Variants in KIRREL3 observed in about 807,000 individuals in gnomAD.
KIRREL3 encodes kirre like nephrin family adhesion molecule 3, also known as kin of IRRE-like protein 3.
In KIRREL3, 36 loss-of-function variants were observed where a neutral mutation model predicts 89.7. That is an observed-to-expected ratio of 0.40 (90% CI 0.31 to 0.53). The LOEUF is 0.53. KIRREL3 is among the 20% of genes least tolerant of loss of function. The pLI, the probability that KIRREL3 is intolerant of heterozygous loss-of-function variation, is 0.49. For synonymous variants in KIRREL3, 445 were observed against 441.4 expected (o/e 1.01, Z -0.10); for missense variants, 864 against 1,056.6 (o/e 0.82, Z 2.53).
chr11:126,939,492 C>T (rs556124195), intron 1 of KIRREL3, among the ~76,000 whole-genome samples: 1 of 152,274 alleles, frequency 6.6e-6, no homozygotes, highest in Non-Finnish European at 1.5e-5. Context: ...TGAGAGGCTA[C>T]CTTATTTTCA....
rs1228398431 is a variant in KIRREL3 at position 126,748,793 on chromosome 11, T to C, written c.56-185881A>G. Among the ~76,000 whole-genome samples, 5 of 152,220 alleles carry C rather than the reference T, an allele frequency of 3.3e-5. No homozygotes were observed. Among genetic ancestry groups the C allele is most frequent in the African/African-American group, 1.2e-4 (5 of 41,462 alleles). The stretch of plus-strand genomic sequence containing the variant: ...ACCGAAACTGTGCATGGGATCCTTT[T>C]GTAATCTGTAGGCTTCAGTCTATCC... On this transcript the variant is annotated intron_variant, in intron 1 of 16. Transcript: ENST00000525144. This position sits in a 1 kb window ranked among gnomAD's most constrained non-coding sequence, Gnocchi z 4.6.
intron 1 of KIRREL3, among the ~76,000 whole-genome samples, chr11:126,927,581 G>T (rs185037538): frequency 6.6e-6 from 1 of 152,240 alleles, no homozygotes; most frequent in African/African-American, 2.4e-5. Flanking sequence ...CAGAAAATGC[G>T]GACATTATGG....
At position 126,739,117 on chromosome 11, in the gene KIRREL3, T is replaced by G. The variant is rs1160833721; in HGVS notation, c.56-176205A>C. On this transcript the variant is annotated intron_variant, in intron 1 of 16. Transcript: ENST00000525144. This position sits in a 1 kb window ranked among gnomAD's most constrained non-coding sequence, Gnocchi z 5.5. The stretch of plus-strand genomic sequence containing the variant: ...TGCTCAAGGCCACACAGCTAGAAAT[T>G]AGCAGGATGGAAACTCCAATCCAGA... 6.6e-6 allele frequency among the ~76,000 whole-genome samples: 1 copy of G among 152,208 alleles called. No individual in the cohort carries two copies. Among genetic ancestry groups the G allele is most frequent in the Admixed American group, 6.5e-5 (1 of 15,276 alleles).
intron 1 of KIRREL3, among the ~76,000 whole-genome samples, chr11:126,600,348 C>T (rs935840872): frequency 1.3e-5 from 2 of 152,150 alleles, no homozygotes; most frequent in African/African-American, 2.4e-5. Flanking sequence ...AGCAGAGGGC[C>T]CATCTAAGCT....
rs1484307096 is a variant in KIRREL3 at position 126,773,253 on chromosome 11, A to G, written c.56-210341T>C. 6.6e-6 allele frequency among the ~76,000 whole-genome samples: 1 copy of G among 152,082 alleles called. No individual in the cohort carries two copies. Among genetic ancestry groups the G allele is most frequent in the African/African-American group, 2.4e-5 (1 of 41,406 alleles). On this transcript the variant is annotated intron_variant, in intron 1 of 16. Coordinates refer to ENST00000525144, the MANE Select transcript of KIRREL3 (RefSeq NM_032531.4). This position sits in a 1 kb window ranked among gnomAD's most constrained non-coding sequence, Gnocchi z 4.2. ...GAAGGTGTTTCAGGATGAGGTTAAC[A>G]CTCTTGAATCAGGGGACTGAGTGAA...
At chr11:126,758,478 T>C (rs934630689) in intron 1 of KIRREL3, among the ~76,000 whole-genome samples, 11 of 152,186 alleles carry the variant, frequency 7.2e-5, no homozygotes, top group Admixed American at 6.5e-4. Context: ...CAGCCCAGGG[T>C]ATGGCTTGTA....
rs1950172705 is a variant in KIRREL3 at position 126,776,507 on chromosome 11, A to C, written c.56-213595T>G. Among the ~76,000 whole-genome samples, 1 of 152,118 alleles carries C rather than the reference A, an allele frequency of 6.6e-6. No individual in the cohort carries two copies. The highest frequency in any genetic ancestry group is 2.4e-5 in the African/African-American group (1 of 41,458). On this transcript the variant is annotated intron_variant, in intron 1 of 16. Coordinates refer to ENST00000525144, the MANE Select transcript of KIRREL3 (RefSeq NM_032531.4). The surrounding 1 kb of genome is among the most constrained non-coding windows in gnomAD (Gnocchi z 4.7). ...TATGGTGCTGCAGGACACTGGCTGCAGACAGGTCTCTACTAGGTGTCAGAG... is the reference window on the plus strand; with the variant it reads ...TATGGTGCTGCAGGACACTGGCTGCCGACAGGTCTCTACTAGGTGTCAGAG...
In KIRREL3 at chr11:126,530,971, C is replaced by T. The variant is rs1265008785; in HGVS notation, c.134-4284G>A. The stretch of plus-strand genomic sequence containing the variant: ...TCAGCCTCTTGAGTAGCTGGGATTA[C>T]AGGCACTCACCACCATGTCTGGTAA... On this transcript the variant is annotated intron_variant, in intron 2 of 16. Transcript: ENST00000525144. The surrounding 1 kb of genome is among the most constrained non-coding windows in gnomAD (Gnocchi z 5.8). 6.6e-6 allele frequency among the ~76,000 whole-genome samples: 1 copy of T among 152,086 alleles called. No homozygotes were observed. Among genetic ancestry groups the T allele is most frequent in the Non-Finnish European group, 1.5e-5 (1 of 68,026 alleles).
intron 1 of KIRREL3, among the ~76,000 whole-genome samples, chr11:126,589,892 T>C (rs60745358): frequency 0.27 from 40,416 of 151,930 alleles, 5,574 homozygotes; most frequent in South Asian, 0.41. Flanking sequence ...CCCCAGCTGC[T>C]GGCTGAGGCT....
rs374073362 is a variant in KIRREL3, at chr11:126,530,967, A to G, written c.134-4280T>C. On this transcript the variant is annotated intron_variant, in intron 2 of 16. Transcript: ENST00000525144. This position sits in a 1 kb window ranked among gnomAD's most constrained non-coding sequence, Gnocchi z 5.8. ...TGCCTCAGCCTCTTGAGTAGCTGGG[A>G]TTACAGGCACTCACCACCATGTCTG... Among the ~76,000 whole-genome samples, 116 of 152,000 alleles carry G rather than the reference A, an allele frequency of 7.6e-4. 1 individual carries two copies. Among genetic ancestry groups the G allele is most frequent in the East Asian group, 7.2e-3 (37 of 5,152 alleles).
chr11:126,589,438 A>G (rs1565575286), intron 1 of KIRREL3, among the ~76,000 whole-genome samples: 1 of 152,224 alleles, frequency 6.6e-6, no homozygotes, highest in Non-Finnish European at 1.5e-5. Context: ...CCCGCCCACC[A>G]GCAGGCAGGG....
At chr11:126,707,141 T>C (rs111668868) in intron 1 of KIRREL3, among the ~76,000 whole-genome samples, 1 of 151,956 alleles carries the variant, frequency 6.6e-6, no homozygotes, top group Non-Finnish European at 1.5e-5. Flanking sequence ...TTTGTTGAGA[T>C]GGGGACCTTG....
At position 126,495,004 on chromosome 11, in the gene KIRREL3, A is replaced by G. The variant is rs539368275; in HGVS notation, c.434-21538T>C. On this transcript the variant is annotated intron_variant, in intron 4 of 16. Transcript: ENST00000525144. The surrounding 1 kb of genome is among the most constrained non-coding windows in gnomAD (Gnocchi z 6.5). ...CTGTAGGCTCTAAGTTGGTGTCTGG[A>G]GAGGAGTGAGAGGTTCAACCAGGGT... Among the ~76,000 whole-genome samples the G allele has an allele frequency of 2.0e-5, 3 of 152,260 alleles. No individual in the cohort carries two copies. The highest frequency in any genetic ancestry group is 4.1e-4 in the South Asian group (2 of 4,822).
At chr11:126,945,249 C>T (rs571881963) in intron 1 of KIRREL3, among the ~76,000 whole-genome samples, 7 of 152,310 alleles carry the variant, frequency 4.6e-5, no homozygotes, top group African/African-American at 9.6e-5. Context: ...AAAACCATTG[C>T]GATCCTTCTC....
At chr11:126,774,555 G>A (rs929389931) in intron 1 of KIRREL3, among the ~76,000 whole-genome samples, 2 of 152,214 alleles carry the variant, frequency 1.3e-5, no homozygotes, top group African/African-American at 4.8e-5. Flanking sequence ...GGAGCAGCTT[G>A]AGCGTGCAGT....
In KIRREL3 at chr11:126,908,814, G is replaced by A. The variant is rs1429369228; in HGVS notation, c.55+91641C>T. Among the ~76,000 whole-genome samples the A allele has an allele frequency of 6.6e-6, 1 of 152,154 alleles. No homozygotes were observed. Among genetic ancestry groups the A allele is most frequent in the South Asian group, 2.1e-4 (1 of 4,802 alleles). On this transcript the variant is annotated intron_variant, in intron 1 of 16. Transcript: ENST00000525144. The surrounding 1 kb of genome is among the most constrained non-coding windows in gnomAD (Gnocchi z 4.2). Reference sequence around the variant, plus strand: ...AGGCAAATATATGCAGTCATCCCTCGTTATTCAAGGAGGATTGGTTCCTGG... The same window carrying A: ...AGGCAAATATATGCAGTCATCCCTCATTATTCAAGGAGGATTGGTTCCTGG...
intron 1 of KIRREL3, among the ~76,000 whole-genome samples, chr11:126,727,546 C>A (rs958524174): frequency 1.3e-5 from 2 of 152,166 alleles, no homozygotes; most frequent in South Asian, 4.1e-4. Context: ...GCAGCTGTAC[C>A]CTGCACCCTG....
intron 1 of KIRREL3, among the ~76,000 whole-genome samples, chr11:126,660,431 C>T (rs1475406208): frequency 2.0e-5 from 3 of 152,154 alleles, no homozygotes; most frequent in African/African-American, 7.2e-5. Flanking sequence ...TGCATTTGTT[C>T]CAAAGCCGGT....
chr11:126,971,627 T>C (rs1949427168), intron 1 of KIRREL3, among the ~76,000 whole-genome samples: 1 of 152,200 alleles, frequency 6.6e-6, no homozygotes, highest in South Asian at 2.1e-4. Context: ...AATGAAAATA[T>C]CATCAGTCCG....
Sources: allele counts gnomAD v4.1 joint callset (sites outside exome capture counted in the v4.1 genomes callset), GRCh38; gene constraint gnomAD v4.1.1; non-coding constraint Gnocchi (gnomAD v3.1); transcripts MANE v1.5; gene names NCBI Gene and HGNC (gene_info 2026-07-23, HGNC 2026-07-21).